Variants in SCML2 observed in about 807,000 individuals in gnomAD.
SCML2 encodes sex comb on midleg-like protein 2.
A neutral mutation model predicts 48.4 loss-of-function variants in SCML2; 6 were observed. That is an observed-to-expected ratio of 0.12 (90% CI 0.07 to 0.24). The LOEUF (loss-of-function observed/expected upper bound fraction) is 0.24. Ranked by LOEUF, SCML2 falls within the 10% of genes least tolerant of loss-of-function variation. SCML2 has a pLI of 1.00. For missense variants in SCML2, 377 were observed against 528.2 expected, an observed-to-expected ratio of 0.71 and a Z score of 2.81; for synonymous variants, 181 against 189.5, an observed-to-expected ratio of 0.95 and a Z score of 0.37.
intron 6 of SCML2, among the ~76,000 whole-genome samples, chrX:18,310,391 G>A (rs1303955462): frequency 2.0e-5 from 2 of 97,680 alleles, no homozygotes; most frequent in South Asian, 5.3e-4. Context: ...TCAGCCTCCC[G>A]AGTAGCTGGG....
chrX:18,317,561 G>A (rs751310533), intron 6 of SCML2, among the ~76,000 whole-genome samples: 2 of 111,848 alleles, frequency 1.8e-5, no homozygotes, highest in East Asian at 5.7e-4. Flanking sequence ...GGCCGGGCGC[G>A]GTGGCTCACG....
chrX:18,309,832 T>C (rs1277980559), intron 6 of SCML2, among the ~76,000 whole-genome samples: 1 of 111,303 alleles, frequency 9.0e-6, no homozygotes, highest in Non-Finnish European at 1.9e-5. Context: ...CTATGCTTAT[T>C]ACCTGGGTGA....
intron 4 of SCML2, 149 bp from the exon 5 acceptor site, chrX:18,324,242 G>C: frequency 2.2e-6 from 1 of 445,901 alleles, no homozygotes; most frequent in East Asian, 3.7e-5. Flanking sequence ...TCAAGGAAAA[G>C]ATCTTCAAAA....
rs1308034618 is a variant in SCML2 at position 18,262,065 on chromosome X, A to G, written c.949-1774T>C. On this transcript the variant is annotated intron_variant, in intron 8 of 14. Coordinates refer to ENST00000251900, the MANE Select transcript of SCML2 (RefSeq NM_006089.3). ...GTTATTTTTTTTCCATACAGCAAAC[A>G]TAAGTTGAAACAAAATGGAAATGTT... 3.7e-5 allele frequency among the ~76,000 whole-genome samples: 4 copies of G among 108,898 alleles called. No homozygotes were observed. The Admixed American group carries it at 3.9e-4, about 11-fold the overall frequency. The allele number at this position is 108,898 out of a possible 115,157, so 94.6% of individuals were successfully genotyped here.
Position 18,273,143 on chromosome X carries a change from C to T in SCML2, c.731-7341G>A, listed in dbSNP as rs188252209. Among the ~76,000 whole-genome samples the T allele has an allele frequency of 1.2e-4, 13 of 111,501 alleles. No individual in the cohort carries two copies. In the East Asian group the frequency reaches 2.3e-3, roughly 19 times the overall value. On this transcript the variant is annotated intron_variant, in intron 7 of 14. Transcript: ENST00000251900. ...CAACTCTTTCCTGAGTTCCCTCCTA[C>T]TTCCGTCACTTTTCCAGTAGTGTTC...
chrX:18,321,598 G>GAA (rs776249974), intron 5 of SCML2, among the ~76,000 whole-genome samples: 28 of 40,558 alleles, frequency 6.9e-4, no homozygotes, highest in Admixed American at 1.0e-3. Flanking sequence ...CACAATTGTT[G>GAA]AAAAAAAAAA....
chrX:18,246,809 C>T lies in SCML2; in HGVS notation c.1590G>A (p.Gly530=). Residue 530 remains glycine, a synonymous_variant, in exon 13 of 15, where the codon GGG becomes GGA. Transcript: ENST00000251900. ...YASEGEPLFA[G]GSAIPKEENL... The stretch of plus-strand genomic sequence containing the variant: ...TCTCCTCTTTGGGAATGGCACTTCC[C>T]CCAGCAAACAATGGTTCTCCTACAG... 1 of 1,203,253 alleles carries T rather than the reference C, an allele frequency of 8.3e-7. No homozygotes were observed. The highest frequency in any genetic ancestry group is 1.1e-6 in the Non-Finnish European group (1 of 891,288).
intron 11 of SCML2, among the ~76,000 whole-genome samples, chrX:18,250,737 A>G (rs1301837633): frequency 9.0e-6 from 1 of 111,017 alleles, no homozygotes; most frequent in African/African-American, 3.3e-5. Context: ...CTAAAAAATG[A>G]AAATCATGTC....
chrX:18,276,625 C>T (rs1281630394), intron 7 of SCML2, among the ~76,000 whole-genome samples: 1 of 112,144 alleles, frequency 8.9e-6, no homozygotes, highest in Admixed American at 9.4e-5. Context: ...GTGACATATC[C>T]ATACAAAGGA....
intron 1 of SCML2, among the ~76,000 whole-genome samples, chrX:18,352,896 A>C (rs1893576432): frequency 8.9e-6 from 1 of 112,063 alleles, no homozygotes; most frequent in South Asian, 3.7e-4. Context: ...TCTGGGGTAA[A>C]CAAGTATACA....
chrX:18,288,582 T>G (rs974813864), intron 7 of SCML2, among the ~76,000 whole-genome samples: 4 of 112,140 alleles, frequency 3.6e-5, no homozygotes, highest in Non-Finnish European at 7.5e-5. Flanking sequence ...ACAGAGGACA[T>G]CTTTGAGATA....
At chrX:18,280,600 T>C (rs981515363) in intron 7 of SCML2, among the ~76,000 whole-genome samples, 2 of 111,802 alleles carry the variant, frequency 1.8e-5, no homozygotes, top group African/African-American at 6.5e-5. Flanking sequence ...CCTAACCATC[T>C]GTTGTCCTCA....
chrX:18,304,889 C>T, intron 7 of SCML2, 83 bp downstream of exon 7: 1 of 1,084,243 alleles, frequency 9.2e-7, no homozygotes, highest in South Asian at 2.1e-5. Flanking sequence ...CCTGGTACCA[C>T]CAACGCTAAT....
chrX:18,350,218 G>A (rs1292819293), intron 1 of SCML2, among the ~76,000 whole-genome samples: 1 of 110,988 alleles, frequency 9.0e-6, no homozygotes, highest in Non-Finnish European at 1.9e-5. Flanking sequence ...GGCAGAGGCT[G>A]TAGTGAGCCA....
At chrX:18,268,529 C>CAA (rs200323875) in intron 7 of SCML2, among the ~76,000 whole-genome samples, 11 of 77,353 alleles carry the variant, frequency 1.4e-4, no homozygotes, top group East Asian at 8.1e-4. Context: ...AACTTCATCT[C>CAA]AAAAAAAAAA....
intron 8 of SCML2, among the ~76,000 whole-genome samples, chrX:18,264,630 G>A (rs1350814645): frequency 9.0e-6 from 1 of 111,449 alleles, no homozygotes; most frequent in Non-Finnish European, 1.9e-5. Flanking sequence ...GGGTAATTGT[G>A]AATTACATTC....
intron 6 of SCML2, among the ~76,000 whole-genome samples, chrX:18,319,662 T>C (rs934103538): frequency 3.7e-5 from 4 of 109,567 alleles, no homozygotes; most frequent in African/African-American, 1.3e-4. Flanking sequence ...CCTCCGCAAC[T>C]GTGAGAAAAT....
chrX:18,350,662 T>C (rs142474831), intron 1 of SCML2, among the ~76,000 whole-genome samples: 1,474 of 109,509 alleles, frequency 0.013, 20 homozygotes, highest in African/African-American at 0.046. Flanking sequence ...GGAGAATTGC[T>C]TGAAGCCAGG....
At chrX:18,354,421 T>A (rs12687458) in intron 1 of SCML2, among the ~76,000 whole-genome samples, 171 bp downstream of exon 1, 70 of 111,272 alleles carry the variant, frequency 6.3e-4, no homozygotes, top group Middle Eastern at 4.8e-3. Context: ...GGGGGCGGGA[T>A]ACCCTATCGC....
Sources: gnomAD v4.1 joint callset for allele counts (sites outside exome capture counted in the v4.1 genomes callset) on GRCh38, gnomAD v4.1.1 for gene constraint, MANE v1.5 for transcripts, NCBI Gene and HGNC (gene_info 2026-07-23, HGNC 2026-07-21) for gene names.